Variants in PRKD1 observed in about 807,000 individuals in gnomAD.
PRKD1 encodes the protein protein kinase D1.
Under a neutral mutation model 95.9 loss-of-function variants are expected in PRKD1, and 63 were observed. The observed-to-expected ratio is 0.66, with a 90% CI of 0.54 to 0.81. PRKD1 has a LOEUF of 0.81. Ranked by LOEUF, PRKD1 falls within the 30% of genes least tolerant of loss-of-function variation. The pLI, the probability that PRKD1 is intolerant of heterozygous loss-of-function variation, is 0.00. For synonymous variants in PRKD1, 425 were observed against 423.1 expected (o/e 1.00, Z -0.05); for missense variants, 1,048 against 1,165.3 (o/e 0.90, Z 1.47).
chr14:29,786,951 C>T (rs187703891), intron 1 of PRKD1, among the ~76,000 whole-genome samples: 6 of 151,732 alleles, frequency 4.0e-5, no homozygotes, highest in East Asian at 1.9e-4. Context: ...TTTACTTTTT[C>T]GATTTAGGCA....
At chr14:29,705,574 G>A (rs1459933981) in intron 2 of PRKD1, among the ~76,000 whole-genome samples, 1 of 151,682 alleles carries the variant, frequency 6.6e-6, no homozygotes, top group Non-Finnish European at 1.5e-5. Context: ...GCTGCTATCT[G>A]ATTCCAAAAT....
intron 1 of PRKD1, among the ~76,000 whole-genome samples, chr14:29,743,979 G>C (rs763440525): frequency 6.6e-6 from 1 of 152,060 alleles, no homozygotes; most frequent in South Asian, 2.1e-4. Context: ...CCAATCTCTA[G>C]ATAGGTGCTG....
At chr14:29,613,862 A>G (rs1334671874) in intron 13 of PRKD1, among the ~76,000 whole-genome samples, 1 of 152,178 alleles carries the variant, frequency 6.6e-6, no homozygotes, top group African/African-American at 2.4e-5. Context: ...GAGCAAAAAG[A>G]TTTTTTATGA....
At chr14:29,610,375 T>TA (rs1878375907) in intron 13 of PRKD1, among the ~76,000 whole-genome samples, 1 of 152,166 alleles carries the variant, frequency 6.6e-6, no homozygotes, top group Non-Finnish European at 1.5e-5. Flanking sequence ...CAGACCCCCT[T>TA]ACCAAAGAAG....
intron 2 of PRKD1, among the ~76,000 whole-genome samples, chr14:29,719,720 G>C (rs1885792430): frequency 6.6e-6 from 1 of 152,190 alleles, no homozygotes; most frequent in South Asian, 2.1e-4. Context: ...TCAAAAACCT[G>C]TGATATTATG....
chr14:29,856,306 C>A (rs1259488441), intron 1 of PRKD1, among the ~76,000 whole-genome samples: 1 of 152,136 alleles, frequency 6.6e-6, no homozygotes, highest in Non-Finnish European at 1.5e-5. Context: ...GCACCACTGC[C>A]AATTCCCCAA....
chr14:29,649,312 G>A (rs1245752062), intron 4 of PRKD1, among the ~76,000 whole-genome samples: 4 of 152,092 alleles, frequency 2.6e-5, no homozygotes, highest in African/African-American at 9.7e-5. Context: ...TAAGGAGGAG[G>A]GGTCTTTATT....
chr14:29,633,862 T>C (rs931747130), intron 8 of PRKD1, among the ~76,000 whole-genome samples: 3 of 152,174 alleles, frequency 2.0e-5, no homozygotes, highest in African/African-American at 4.8e-5. Flanking sequence ...AGAAAAGCAA[T>C]ACAGTAACAG....
At chr14:29,606,848 T>C (rs1399654116) in intron 13 of PRKD1, among the ~76,000 whole-genome samples, 2 of 152,180 alleles carry the variant, frequency 1.3e-5, no homozygotes, top group Non-Finnish European at 2.9e-5. Context: ...CCAGAACAGG[T>C]TTGACTACAA....
rs1879480353 is a variant in PRKD1 at position 29,624,407 on chromosome 14, T to C, written c.1799-149A>G. The C allele has an allele frequency of 1.4e-5, 6 of 422,152 alleles. No homozygotes were observed. In the East Asian group the frequency reaches 2.2e-4, roughly 16 times the overall value. The allele number at this position is 422,152 out of a possible 1,614,324, so 26.2% of individuals were successfully genotyped here. On this transcript the variant is annotated intron_variant, in intron 12 of 17. Transcript: ENST00000331968. ...TAAAGAGCACTGACTTACATATATA[T>C]ATATAAAGATTTCATTATTCTAAAT...
At chr14:29,687,139 T>TAA (rs199662381) in intron 2 of PRKD1, among the ~76,000 whole-genome samples, 1 of 147,560 alleles carries the variant, frequency 6.8e-6, no homozygotes, top group African/African-American at 2.5e-5. Context: ...ACTATGAACT[T>TAA]AAAAAAAAAA....
At chr14:29,792,570 T>G (rs568410155) in intron 1 of PRKD1, among the ~76,000 whole-genome samples, 1 of 152,204 alleles carries the variant, frequency 6.6e-6, no homozygotes, top group Non-Finnish European at 1.5e-5. Context: ...CCACCCTGGA[T>G]GCTAAAATTT....
chr14:29,913,810 A>G (rs976496073), intron 1 of PRKD1, among the ~76,000 whole-genome samples: 1 of 152,216 alleles, frequency 6.6e-6, no homozygotes, highest in Admixed American at 6.5e-5. Context: ...ACTAGCTAAG[A>G]TGAGTTATCT....
chr14:29,724,475 T>C (rs1886047233), intron 2 of PRKD1, among the ~76,000 whole-genome samples: 1 of 152,150 alleles, frequency 6.6e-6, no homozygotes, highest in South Asian at 2.1e-4. Context: ...ATTACCTTTA[T>C]CTAGCAAAAA....
At chr14:29,782,255 A>G (rs939791144) in intron 1 of PRKD1, among the ~76,000 whole-genome samples, 1 of 152,162 alleles carries the variant, frequency 6.6e-6, no homozygotes, top group Non-Finnish European at 1.5e-5. Context: ...TCTGCTTTCA[A>G]AAGCACTTTC....
intron 4 of PRKD1, among the ~76,000 whole-genome samples, chr14:29,642,889 G>T (rs1880879231): frequency 6.7e-6 from 1 of 149,316 alleles, no homozygotes. Flanking sequence ...TGTATTTGGT[G>T]AACCTGAAAA....
intron 1 of PRKD1, among the ~76,000 whole-genome samples, chr14:29,820,381 G>A (rs1890865452): frequency 6.6e-6 from 1 of 152,226 alleles, no homozygotes; most frequent in African/African-American, 2.4e-5. Context: ...AAATGCTGTT[G>A]TAACAAAGGT....
intron 1 of PRKD1, among the ~76,000 whole-genome samples, chr14:29,727,495 C>T (rs1165405642): frequency 5.9e-5 from 9 of 151,650 alleles, no homozygotes; most frequent in African/African-American, 1.9e-4. Context: ...ATGGTAATGC[C>T]TAGGTTTTCT....
intron 1 of PRKD1, among the ~76,000 whole-genome samples, chr14:29,851,959 C>G (rs559978122): frequency 4.1e-4 from 63 of 152,104 alleles, no homozygotes; most frequent in Non-Finnish European, 6.5e-4. Flanking sequence ...AAGCCATTAT[C>G]CTACACAAAT....
Sources: gnomAD v4.1 joint callset for allele counts (sites outside exome capture counted in the v4.1 genomes callset) on GRCh38, gnomAD v4.1.1 for gene constraint, MANE v1.5 for transcripts, NCBI Gene and HGNC (gene_info 2026-07-23, HGNC 2026-07-21) for gene names.